DGKG: variants seen among roughly 807,000 people sequenced by gnomAD.
DGKG encodes the protein DAG kinase gamma.
Under a neutral mutation model 105.3 loss-of-function variants are expected in DGKG, and 78 were observed. The observed-to-expected ratio is 0.74, with a 90% CI of 0.62 to 0.89. The LOEUF is 0.89. Ranked by LOEUF, DGKG falls within the 40% of genes least tolerant of loss-of-function variation. The pLI is 0.00. For synonymous variants in DGKG, 346 were observed against 367.1 expected (o/e 0.94, Z 0.66); for missense variants, 958 against 1,020.1 (o/e 0.94, Z 0.83).
At chr3:186,280,427 T>C (rs1722777034) in intron 8 of DGKG, among the ~76,000 whole-genome samples, 3 of 152,250 alleles carry the variant, frequency 2.0e-5, no homozygotes, top group Non-Finnish European at 2.9e-5. Flanking sequence ...ATTTCTGCTA[T>C]AACATTTTAG....
At chr3:186,340,543 G>A (rs1726040925) in intron 1 of DGKG, among the ~76,000 whole-genome samples, 1 of 152,196 alleles carries the variant, frequency 6.6e-6, no homozygotes, top group African/African-American at 2.4e-5. Context: ...TTTGATCAGA[G>A]TGTGAAATCA....
chr3:186,265,159 CT>C, intron 14 of DGKG, 87 bp downstream of exon 14: 1 of 1,304,398 alleles, frequency 7.7e-7, no homozygotes, highest in South Asian at 1.2e-5. Flanking sequence ...TGCTGAGATG[CT>C]TTTCTGTAGA....
chr3:186,220,515 A>G (rs1719513039), intron 20 of DGKG, among the ~76,000 whole-genome samples: 1 of 152,174 alleles, frequency 6.6e-6, no homozygotes. Flanking sequence ...GGCACCTGAG[A>G]GAAATGGAAA....
intron 15 of DGKG, among the ~76,000 whole-genome samples, chr3:186,261,238 C>G (rs921218452): frequency 5.9e-5 from 9 of 152,242 alleles, no homozygotes; most frequent in African/African-American, 2.2e-4. Flanking sequence ...TCCACCTGTG[C>G]TGTTCAGCAA....
intron 1 of DGKG, among the ~76,000 whole-genome samples, chr3:186,340,687 C>A (rs1726047363): frequency 6.6e-6 from 1 of 152,144 alleles, no homozygotes; most frequent in South Asian, 2.1e-4. Flanking sequence ...TACCTTCCTC[C>A]CACGTCTATC....
At chr3:186,274,534 C>G (rs1722485254) in intron 10 of DGKG, among the ~76,000 whole-genome samples, 1 of 101,180 alleles carries the variant, frequency 9.9e-6, no homozygotes. Context: ...CTATCCCTCC[C>G]CCCTCCCCCC....
At chr3:186,265,563 G>A (rs1185370589) in intron 13 of DGKG, among the ~76,000 whole-genome samples, 1 of 152,018 alleles carries the variant, frequency 6.6e-6, no homozygotes, top group African/African-American at 2.4e-5. Context: ...ATAGTGGGGA[G>A]CACTGAAAGT....
In DGKG at chr3:186,284,597, G is replaced by C. The variant is rs367901027; in HGVS notation, c.594+63C>G. On this transcript the variant is annotated intron_variant, in intron 7 of 24. Transcript: ENST00000265022. The surrounding 1 kb of genome is among the most constrained non-coding windows in gnomAD (Gnocchi z 4.0). ...CTGAACATTTTCAGATTCTTCCTCTGCTTGCTCCCTGCTCCCCCAGCCTTT... is the reference window on the plus strand; with the variant it reads ...CTGAACATTTTCAGATTCTTCCTCTCCTTGCTCCCTGCTCCCCCAGCCTTT... The C allele has an allele frequency of 7.3e-6, 10 of 1,370,440 alleles. No individual in the cohort carries two copies. Among genetic ancestry groups the C allele is most frequent in the African/African-American group, 1.4e-5 (1 of 69,882 alleles). The allele number at this position is 1,370,440 out of a possible 1,614,324, so 84.9% of individuals were successfully genotyped here.
At chr3:186,318,987 C>G (rs901679998) in intron 2 of DGKG, among the ~76,000 whole-genome samples, 1 of 152,220 alleles carries the variant, frequency 6.6e-6, no homozygotes, top group Non-Finnish European at 1.5e-5. Context: ...TTCTGATGCC[C>G]TAACAAGATT....
chr3:186,296,774 C>G (rs1723584910), intron 5 of DGKG, among the ~76,000 whole-genome samples: 2 of 152,178 alleles, frequency 1.3e-5, no homozygotes, highest in Admixed American at 1.3e-4. Context: ...TATATAATCT[C>G]TTAAGGCCTC....
At chr3:186,223,011 C>CTATATATATATATATATATATATAGATA (rs55753193) in intron 20 of DGKG, among the ~76,000 whole-genome samples, 1 of 80,524 alleles carries the variant, frequency 1.2e-5, no homozygotes, top group Non-Finnish European at 2.6e-5. Context: ...TGTATGTATA[C>CTATATATATATATATATATATATAGATA]TATATATATA....
chr3:186,266,153 C>A (rs1354131391), intron 13 of DGKG, among the ~76,000 whole-genome samples: 1 of 152,198 alleles, frequency 6.6e-6, no homozygotes, highest in African/African-American at 2.4e-5. Context: ...ACTACCTCTT[C>A]AAGCATAACC....
intron 22 of DGKG, among the ~76,000 whole-genome samples, chr3:186,170,674 G>A (rs1489197762): frequency 6.6e-6 from 1 of 152,184 alleles, no homozygotes; most frequent in African/African-American, 2.4e-5. Context: ...AGACCTGAAT[G>A]TGAAAGTGGC....
In DGKG at chr3:186,306,924, G is replaced by A. The variant is rs1724271698; in HGVS notation, c.121C>T (p.Leu41Phe). The change falls in exon 3 of 25, where the codon CTC becomes TTC. Residue 41 changes from leucine to phenylalanine, a missense_variant. This residue lies in a region of DGKG where 643 missense variants were observed against 619.5 expected (regional missense o/e 1.04). Coordinates refer to ENST00000265022, the MANE Select transcript of DGKG (RefSeq NM_001346.3). ...ALTEFNEGGS[L>F]KQYDPHEPIS... Reference sequence around the variant, plus strand: ...ACCTCATGTGGGTCATATTGTTTGAGGCTCCCACCCTCATTAAATTCAGTC... The same window carrying A: ...ACCTCATGTGGGTCATATTGTTTGAAGCTCCCACCCTCATTAAATTCAGTC... 2 of 1,612,574 alleles carry A rather than the reference G, an allele frequency of 1.2e-6. No homozygotes were observed. Among genetic ancestry groups the A allele is most frequent in the African/African-American group, 2.7e-5 (2 of 74,890 alleles).
chr3:186,257,889 C>T lies in DGKG; in HGVS notation c.1475G>A (p.Gly492Glu). The change falls in exon 17 of 25, where the codon GGA (glycine) becomes GAA (glutamate). Residue 492 changes from glycine to glutamate, a missense_variant. Gly to Glu is a moderately conservative substitution (Grantham distance 98). This residue lies in a region of DGKG where 315 missense variants were observed against 400.6 expected (regional missense o/e 0.79). Transcript: ENST00000265022. ...CAAAATCCAGCCAACTGTCCCATCTCCACCACAGGCCAAAACACGGAAGTC... is the reference window on the plus strand; with the variant it reads ...CAAAATCCAGCCAACTGTCCCATCTTCACCACAGGCCAAAACACGGAAGTC... ...TPDFRVLACG[G>E]DGTVGWILDC... 1 of 1,614,136 alleles carries T rather than the reference C, an allele frequency of 6.2e-7. No individual in the cohort carries two copies. Among genetic ancestry groups the T allele is most frequent in the South Asian group, 1.1e-5 (1 of 91,082 alleles).
rs34134152 is a variant in DGKG at position 186,243,895 on chromosome 3, G to GTTTTTTTTTTTTTTTTTTTTTTT, written c.1762-1328_1762-1327insAAAAAAAAAAAAAAAAAAAAAAA. ...CTATTTCTTATATGAAAATTTCTGTGTTTTTTTTTTTTTTTTTTGAGATGG... is the reference window on the plus strand; with the variant it reads ...CTATTTCTTATATGAAAATTTCTGTGTTTTTTTTTTTTTTTTTTTTTTTTTTTTTTTTTTTTTTTTTGAGATGG... On this transcript the variant is annotated intron_variant, in intron 19 of 24. Coordinates refer to ENST00000265022, the MANE Select transcript of DGKG (RefSeq NM_001346.3). Among the ~76,000 whole-genome samples, 55 of 116,322 alleles carry GTTTTTTTTTTTTTTTTTTTTTTT rather than the reference G, an allele frequency of 4.7e-4. 2 individuals are homozygous for GTTTTTTTTTTTTTTTTTTTTTTT. The highest frequency in any genetic ancestry group is 1.9e-3 in the African/African-American group (52 of 27,562). The allele number at this position is 116,322 out of a possible 152,430, so 76.3% of individuals were successfully genotyped here. A position where few individuals can be genotyped will look rare whatever the true frequency, so the allele number is the denominator to read the frequency against.
At chr3:186,266,510 A>G (rs1722064182) in intron 13 of DGKG, among the ~76,000 whole-genome samples, 2 of 152,182 alleles carry the variant, frequency 1.3e-5, no homozygotes, top group African/African-American at 4.8e-5. Flanking sequence ...GATGCACTGG[A>G]GGAGAATTTT....
chr3:186,154,394 G>A (rs1032482612), intron 24 of DGKG, among the ~76,000 whole-genome samples: 1 of 152,040 alleles, frequency 6.6e-6, no homozygotes, highest in Non-Finnish European at 1.5e-5. Context: ...TGTAATCCTG[G>A]CACTTTGGGA....
rs140287001 is a variant in DGKG at position 186,253,135 on chromosome 3, C to T, written c.1558G>A (p.Gly520Arg). 1.3e-5 allele frequency: 21 copies of T among 1,614,082 alleles called. No homozygotes were observed. The highest frequency in any genetic ancestry group is 1.7e-5 in the Non-Finnish European group (20 of 1,180,060). Reference protein sequence around the residue: ...KHPPVAVLPLGTGNDLARCLR... With the variant: ...KHPPVAVLPLRTGNDLARCLR... ...CAACGGGCAAGGTCATTTCCTGTTC[C>T]AAGAGGCAGGACAGCCACTGGTGGA... Residue 520 changes from glycine (G) to arginine (R), a missense_variant, in exon 18 of 25, where the codon GGA becomes AGA. Gly to Arg is a moderately radical substitution (Grantham distance 125). Transcript: ENST00000265022.
Sources: gnomAD v4.1 joint callset for allele counts (sites outside exome capture counted in the v4.1 genomes callset) on GRCh38, gnomAD v4.1.1 for gene constraint, gnomAD v4.1.1 regional missense constraint, Gnocchi (gnomAD v3.1) non-coding constraint, MANE v1.5 for transcripts, NCBI Gene and HGNC (gene_info 2026-07-23, HGNC 2026-07-21) for gene names.